Variants in DPP6 observed in about 807,000 individuals in gnomAD.
The protein encoded by DPP6 is A-type potassium channel modulatory protein DPP6.
Under a neutral mutation model 122.6 loss-of-function variants are expected in DPP6, and 69 were observed. That is an observed-to-expected ratio of 0.56 (90% CI 0.46 to 0.69). The LOEUF is 0.69. Among genes scored for constraint, DPP6 ranks in the 30% least tolerant of loss-of-function variants. DPP6 has a pLI of 0.00. For synonymous variants in DPP6, 418 were observed against 433.1 expected (o/e 0.97, Z 0.43); for missense variants, 928 against 1,116.9 (o/e 0.83, Z 2.41).
chr7:153,753,002 C>A, the DPP6 span, among the ~76,000 whole-genome samples: 864 of 152,290 alleles, frequency 5.7e-3, 7 homozygotes, highest in African/African-American at 0.019. Context: ...AGCTTCACAT[C>A]AAGCATGGAT....
In DPP6 at chr7:154,599,103, G is replaced by A. The variant is rs140250832; in HGVS notation, c.627+32187G>A. ...CATTTTGGGAATGTGCGTGGTGTGA[G>A]TTTTCTGCCAGCATCTTTATAGAGC... On this transcript the variant is annotated intron_variant, in intron 5 of 25. Transcript: ENST00000377770. Among the ~76,000 whole-genome samples the A allele has an allele frequency of 4.9e-3, 746 of 152,286 alleles. 5 individuals carry two copies. The highest frequency in any genetic ancestry group is 0.016 in the African/African-American group (685 of 41,560).
intron 1 of DPP6, among the ~76,000 whole-genome samples, chr7:154,114,801 TG>T (rs529589534): frequency 6.6e-6 from 1 of 152,310 alleles, no homozygotes; most frequent in South Asian, 2.1e-4. Flanking sequence ...CAGTCTTTTT[TG>T]CTGCCAGAAT....
chr7:154,722,994 C>T (rs2131349281), intron 7 of DPP6, among the ~76,000 whole-genome samples: 1 of 152,254 alleles, frequency 6.6e-6, no homozygotes, highest in Admixed American at 6.5e-5. Flanking sequence ...GGCACAGTGG[C>T]TTATGCCTGT....
chr7:154,691,494 T>G (rs756454403), intron 7 of DPP6, among the ~76,000 whole-genome samples: 1 of 152,156 alleles, frequency 6.6e-6, no homozygotes, highest in Non-Finnish European at 1.5e-5. Flanking sequence ...TAAATGAAAC[T>G]TGTTTACATA....
At chr7:153,991,537 A>G (rs1321263453) in intron 1 of DPP6, among the ~76,000 whole-genome samples, 1 of 152,176 alleles carries the variant, frequency 6.6e-6, no homozygotes, top group African/African-American at 2.4e-5. Flanking sequence ...TACAGCAGGG[A>G]TATTTAGAGT....
intron 5 of DPP6, among the ~76,000 whole-genome samples, chr7:154,578,489 AGCAGGGGCTATTCGGGCTTG>A (rs1465917326): frequency 0.91 from 138,388 of 151,552 alleles, 63,206 homozygotes; most frequent in East Asian, 1. Flanking sequence ...TGCAAGAGTA[AGCAGGGGCTATTCGGGCTTG>A]GCAGGGGCTA....
chr7:154,283,617 G>A (rs1804667298), intron 1 of DPP6, among the ~76,000 whole-genome samples: 1 of 152,096 alleles, frequency 6.6e-6, no homozygotes, highest in African/African-American at 2.4e-5. Flanking sequence ...AGCTCTTTTA[G>A]CACAAGGCAC....
intron 1 of DPP6, among the ~76,000 whole-genome samples, chr7:153,905,932 C>T (rs936757864): frequency 5.9e-5 from 9 of 152,154 alleles, no homozygotes; most frequent in African/African-American, 9.7e-5. Flanking sequence ...ATAGGAAGAG[C>T]AGCAACAGAG....
At chr7:153,882,288 T>C (rs1798777994), upstream of DPP6, among the ~76,000 whole-genome samples, 2 of 152,212 alleles carry the variant, frequency 1.3e-5, no homozygotes, top group African/African-American at 4.8e-5. Context: ...GCTCACATTT[T>C]AAAGAACATC....
the DPP6 span, among the ~76,000 whole-genome samples, chr7:153,753,150 A>G: frequency 4.0e-5 from 6 of 150,722 alleles, no homozygotes; most frequent in Non-Finnish European, 7.4e-5. Flanking sequence ...TTTCAAGAGT[A>G]TCTCCTTATC....
chr7:154,054,935 G>A (rs1563137921), intron 1 of DPP6, among the ~76,000 whole-genome samples: 2 of 151,622 alleles, frequency 1.3e-5, no homozygotes, highest in Non-Finnish European at 2.9e-5. Context: ...ATCTTAACTT[G>A]GAGTATACAT....
At chr7:154,665,772 G>C (rs1257070807) in intron 6 of DPP6, among the ~76,000 whole-genome samples, 1 of 151,992 alleles carries the variant, frequency 6.6e-6, no homozygotes, top group Non-Finnish European at 1.5e-5. Flanking sequence ...TGTACATAGA[G>C]ATTAAAAACC....
chr7:154,562,205 A>G (rs1218489941), intron 4 of DPP6, among the ~76,000 whole-genome samples: 1 of 152,192 alleles, frequency 6.6e-6, no homozygotes, highest in Admixed American at 6.5e-5. Context: ...ACAAAATATT[A>G]GCAAATTGAG....
chr7:154,883,905 CACAT>C (rs1344446302), intron 21 of DPP6: 1 of 125,100 alleles, frequency 8.0e-6, no homozygotes, highest in Admixed American at 8.4e-5. Context: ...ACATTACATA[CACAT>C]GCTCACACAC....
At chr7:154,338,037 CA>C (rs1162864720) in intron 1 of DPP6, among the ~76,000 whole-genome samples, 1 of 152,354 alleles carries the variant, frequency 6.6e-6, no homozygotes, top group East Asian at 1.9e-4. Context: ...TGCCTTCTCG[CA>C]GATTGTTTTC....
intron 1 of DPP6, among the ~76,000 whole-genome samples, chr7:154,132,457 C>G (rs983059131): frequency 3.3e-5 from 5 of 152,068 alleles, no homozygotes; most frequent in African/African-American, 1.2e-4. Context: ...CCTTCTTACC[C>G]CTTCACCTCA....
At chr7:153,862,624 A>G in the DPP6 span, among the ~76,000 whole-genome samples, 2 of 152,168 alleles carry the variant, frequency 1.3e-5, no homozygotes, top group East Asian at 3.9e-4. Context: ...TAGGCAGATT[A>G]TTTTTTCCTT....
At chr7:154,109,970 C>CA (rs1489559277) in intron 1 of DPP6, among the ~76,000 whole-genome samples, 1 of 142,864 alleles carries the variant, frequency 7.0e-6, no homozygotes, top group Non-Finnish European at 1.5e-5. Context: ...CAACAGAATG[C>CA]AAAATAGCTC....
chr7:153,940,359 TAAGTGTTGAAGTC>T (rs540579749), intron 1 of DPP6, among the ~76,000 whole-genome samples: 131 of 152,240 alleles, frequency 8.6e-4, no homozygotes, highest in Non-Finnish European at 1.5e-3. Context: ...CGCCGCAACT[TAAGTGTTGAAGTC>T]AAGTGTTGAA....
Sources: gnomAD v4.1 joint callset for allele counts (sites outside exome capture counted in the v4.1 genomes callset) on GRCh38, gnomAD v4.1.1 for gene constraint, MANE v1.5 for transcripts, NCBI Gene and HGNC (gene_info 2026-07-23, HGNC 2026-07-21) for gene names.